Variants in SULT1A1 observed in about 807,000 individuals in gnomAD.
SULT1A1 encodes sulfotransferase family 1A member 1.
A neutral mutation model predicts 36.8 loss-of-function variants in SULT1A1; 35 were observed. That is an observed-to-expected ratio of 0.95 (90% CI 0.73 to 1.26). The LOEUF (loss-of-function observed/expected upper bound fraction) is 1.26. SULT1A1 is among the 50% of genes most tolerant of loss of function. SULT1A1 has a pLI of 0.00. For missense variants in SULT1A1, 309 were observed against 383.0 expected (o/e 0.81, Z 1.61); for synonymous variants, 119 against 146.0 (o/e 0.82, Z 1.33).
intron 1 of SULT1A1, chr16:28,609,589 T>C: frequency 2.4e-6 from 1 of 420,252 alleles, no homozygotes. Context: ...TCTAAAAATC[T>C]TTAAAAAAAT....
intron 1 of SULT1A1, chr16:28,620,267 A>C: frequency 1.2e-6 from 1 of 800,866 alleles, no homozygotes; most frequent in Admixed American, 2.8e-5. Context: ...CTGATCCTAC[A>C]GTGAAAAGAG....
intron 2 of SULT1A1, among the ~76,000 whole-genome samples, chr16:28,616,844 T>C (rs2047557063): frequency 6.6e-6 from 1 of 152,100 alleles, no homozygotes; most frequent in Non-Finnish European, 1.5e-5. Context: ...GTCTCCAGGA[T>C]CCAAACTCAT....
Position 28,605,594 on chromosome 16 carries a change from T to C in SULT1A1, c.*227A>G. On this transcript the variant is annotated 3_prime_UTR_variant, in exon 8 of 8. Transcript: ENST00000314752. The stretch of plus-strand genomic sequence containing the variant: ...GCCCACAATCATATTTTATTCTCTT[T>C]TTAAAAATTGGTTTTATTTTATTTT... 1 of 763,014 alleles carries C rather than the reference T, an allele frequency of 1.3e-6. No homozygotes were observed. The allele number at this position is 763,014 out of a possible 1,614,324, so 47.3% of individuals were successfully genotyped here.
exon 1 of SULT1A1, chr16:28,623,364 G>C (rs1017556918): frequency 6.7e-7 from 1 of 1,485,550 alleles, no homozygotes; most frequent in African/African-American, 1.4e-5. Context: ...GGAGACGAGC[G>C]AGCTACGGCA....
In SULT1A1 at chr16:28,605,606, T is replaced by C. The variant is rs1045078239; in HGVS notation, c.*215A>G. The C allele has an allele frequency of 2.5e-6, 2 of 806,468 alleles. No homozygotes were observed. Among genetic ancestry groups the C allele is most frequent in the African/African-American group, 3.3e-5 (2 of 59,914 alleles). 50.0% of individuals were successfully genotyped at this position (806,468 alleles called of 1,614,324 possible). ...ATTTTATTCTCTTTTTAAAAATTGG[T>C]TTTATTTTATTTTATTTTTTTAACA... On this transcript the variant is annotated 3_prime_UTR_variant, in exon 8 of 8. Transcript: ENST00000314752.
chr16:28,609,376 A>C (rs2047360542), intron 1 of SULT1A1: 2 of 1,290,252 alleles, frequency 1.6e-6, no homozygotes, highest in Non-Finnish European at 2.0e-6. Context: ...GCCACAGTCC[A>C]TCTGGGCTCC....
intron 4 of SULT1A1, 63 bp downstream of exon 4, chr16:28,608,228 C>G: frequency 6.3e-7 from 1 of 1,596,438 alleles, no homozygotes; most frequent in South Asian, 1.1e-5. Context: ...CTCAGGTGAT[C>G]TGCCTGCCTC....
At chr16:28,620,747 T>C (rs998900722) in intron 1 of SULT1A1, among the ~76,000 whole-genome samples, 7 of 152,218 alleles carry the variant, frequency 4.6e-5, no homozygotes, top group African/African-American at 1.7e-4. Context: ...GTTACTTTTC[T>C]CTACCTTCCA....
At chr16:28,609,826 C>A (rs1294546304) in intron 1 of SULT1A1, 105 bp downstream of exon 1, 7 of 1,136,178 alleles carry the variant, frequency 6.2e-6, no homozygotes, top group Non-Finnish European at 7.9e-6. Flanking sequence ...AATGGGATAT[C>A]CATGGGGAAA....
chr16:28,622,853 T>C (rs1770174300), intron 1 of SULT1A1, among the ~76,000 whole-genome samples: 1 of 152,142 alleles, frequency 6.6e-6, no homozygotes, highest in African/African-American at 2.4e-5. Context: ...GCCCCGACCC[T>C]AGTCCTCTAA....
In SULT1A1 at chr16:28,606,750, C is replaced by CCG. The variant is rs1567304569; in HGVS notation, c.594+10_594+11insCG. The CCG allele has an allele frequency of 5.0e-6, 8 of 1,609,858 alleles. No individual in the cohort carries two copies. Among genetic ancestry groups the CCG allele is most frequent in the Admixed American group, 1.7e-5 (1 of 59,684 alleles). On this transcript the variant is annotated intron_variant, in intron 6 of 7. Transcript: ENST00000314752. ...GAGTCACATGGAGGGAAGCATCGCA[C>CCG]GTGGTCTCACCTCCTTCATGTCTTC...
chr16:28,606,899 T>G (rs1302663022), intron 5 of SULT1A1, 44 bp from the exon 6 acceptor site: 10 of 1,612,226 alleles, frequency 6.2e-6, no homozygotes, highest in Non-Finnish European at 8.5e-7. Context: ...TTGCTGTGCG[T>G]TGTAGCCACC....
chr16:28,610,455 G>A, upstream of SULT1A1: 1 of 349,658 alleles, frequency 2.9e-6, no homozygotes, highest in Non-Finnish European at 5.4e-6. Context: ...CTCCAGGCCA[G>A]TCTTGAAGGT....
chr16:28,606,796 G>A lies in SULT1A1; in HGVS notation c.559C>T (p.Pro187Ser), dbSNP rs1336331763. 1.2e-6 allele frequency: 2 copies of A among 1,612,482 alleles called. No homozygotes were observed. The highest frequency in any genetic ancestry group is 8.5e-7 in the Non-Finnish European group (1 of 1,178,686). ...QEWWELSRTH[P>S]VLYLFYEDMK... ...TCTTCATAGAAGAGGTAGAGAACAG[G>A]GTGGGTGCGGCTCAGCTCCCACCAC... Residue 187 changes from proline (P) to serine (S), a missense_variant, in exon 6 of 8, where the codon CCT becomes TCT. Around this residue, in one of 3 missense-constraint regions of SULT1A1, gnomAD observed 219 missense variants for 215.3 expected, o/e 1.02. Coordinates refer to ENST00000314752, the MANE Select transcript of SULT1A1 (RefSeq NM_001055.4).
At chr16:28,616,536 C>A (rs1379044762) in intron 2 of SULT1A1, among the ~76,000 whole-genome samples, 1 of 152,126 alleles carries the variant, frequency 6.6e-6, no homozygotes, top group African/African-American at 2.4e-5. Flanking sequence ...GATCTGCTCA[C>A]CTCGGCCTCT....
At chr16:28,606,706 G>A in intron 6 of SULT1A1, 55 bp downstream of exon 6, 1 of 1,598,814 alleles carries the variant, frequency 6.3e-7, no homozygotes, top group Non-Finnish European at 8.5e-7. Flanking sequence ...GCGGGTCCCT[G>A]TGAGGTGCCT....
At chr16:28,621,506 AAAGAAG>A (rs1555485635) in intron 1 of SULT1A1, among the ~76,000 whole-genome samples, 125 of 42,454 alleles carry the variant, frequency 2.9e-3, no homozygotes, top group East Asian at 9.9e-3. Flanking sequence ...AAAAAAAAAA[AAAGAAG>A]AAGAAGAAGA....
At chr16:28,620,984 C>G (rs1484927683) in intron 1 of SULT1A1, among the ~76,000 whole-genome samples, 1 of 151,994 alleles carries the variant, frequency 6.6e-6, no homozygotes, top group African/African-American at 2.4e-5. Context: ...GTGGCGCATG[C>G]CTGTAATCCC....
upstream of SULT1A1, chr16:28,610,277 T>G (rs1164658772): frequency 3.5e-6 from 4 of 1,129,498 alleles, no homozygotes; most frequent in East Asian, 5.9e-5. Context: ...TTTTTTTTTT[T>G]TTTTTTTTTT....
Sources: allele counts gnomAD v4.1 joint callset (sites outside exome capture counted in the v4.1 genomes callset), GRCh38; gene constraint gnomAD v4.1.1; regional missense constraint gnomAD v4.1.1; transcripts MANE v1.5; gene names NCBI Gene and HGNC (gene_info 2026-07-23, HGNC 2026-07-21).